The following NRP1 variants were observed in gnomAD, a reference collection of about 807,000 sequenced individuals.
NRP1 encodes the protein neuropilin-1.
In NRP1, 35 loss-of-function variants were observed where a neutral mutation model predicts 106.7. The ratio of observed to expected loss-of-function variants is 0.33; its 90% CI spans 0.25 to 0.43. The LOEUF (loss-of-function observed/expected upper bound fraction) is 0.43. Among genes scored for constraint, NRP1 ranks in the 20% least tolerant of loss-of-function variants. The pLI is 1.00. For synonymous variants in NRP1, 437 were observed against 417.9 expected (o/e 1.05, Z -0.56); for missense variants, 1,024 against 1,170.4 (o/e 0.87, Z 1.83).
chr10:33,221,062 A>G (rs891757206), intron 8 of NRP1, among the ~76,000 whole-genome samples: 1 of 151,934 alleles, frequency 6.6e-6, no homozygotes, highest in African/African-American at 2.4e-5. Flanking sequence ...GGTTACAATT[A>G]GTTGTCTACA....
chr10:33,241,413 G>C (rs1841006107), intron 6 of NRP1, among the ~76,000 whole-genome samples: 1 of 152,146 alleles, frequency 6.6e-6, no homozygotes, highest in South Asian at 2.1e-4. Context: ...AAATGCATCT[G>C]TACAACAACT....
At chr10:33,314,657 T>TA (rs1264027478) in intron 2 of NRP1, among the ~76,000 whole-genome samples, 2 of 151,990 alleles carry the variant, frequency 1.3e-5, no homozygotes, top group African/African-American at 4.8e-5. Context: ...AAGAAACACT[T>TA]AGGAAACACT....
chr10:33,279,462 A>C (rs1407086232), intron 2 of NRP1, among the ~76,000 whole-genome samples: 1 of 152,320 alleles, frequency 6.6e-6, no homozygotes, highest in African/African-American at 2.4e-5. Flanking sequence ...AGAGCCAGCA[A>C]TTGATAATCT....
At chr10:33,226,986 C>T (rs1839724595) in intron 6 of NRP1, among the ~76,000 whole-genome samples, 1 of 152,136 alleles carries the variant, frequency 6.6e-6, no homozygotes, top group South Asian at 2.1e-4. Flanking sequence ...TGTCACAAGC[C>T]ACTGCTCACT....
At chr10:33,186,048 A>T (rs1015222837) in intron 14 of NRP1, among the ~76,000 whole-genome samples, 169 bp downstream of exon 14, 4 of 152,150 alleles carry the variant, frequency 2.6e-5, no homozygotes, top group Non-Finnish European at 4.4e-5. Flanking sequence ...AATCTAGGAG[A>T]CTGTGAAATC....
intron 3 of NRP1, among the ~76,000 whole-genome samples, chr10:33,266,624 T>C (rs147982097): frequency 6.6e-6 from 1 of 152,300 alleles, no homozygotes; most frequent in Non-Finnish European, 1.5e-5. Context: ...AGAAAGTCCA[T>C]GGTGAATACA....
chr10:33,247,329 A>T (rs2133118593), intron 6 of NRP1, among the ~76,000 whole-genome samples: 1 of 151,076 alleles, frequency 6.6e-6, no homozygotes, highest in Non-Finnish European at 1.5e-5. Context: ...CAGGCCCTTC[A>T]CAGCTCCTGA....
chr10:33,319,908 G>A (rs1470964594), intron 2 of NRP1, among the ~76,000 whole-genome samples: 1 of 151,922 alleles, frequency 6.6e-6, no homozygotes, highest in Non-Finnish European at 1.5e-5. Flanking sequence ...ATCTTTAAGA[G>A]CTGTAACTCT....
At chr10:33,250,080 G>A (rs1389897555) in intron 6 of NRP1, among the ~76,000 whole-genome samples, 1 of 152,100 alleles carries the variant, frequency 6.6e-6, no homozygotes, top group Non-Finnish European at 1.5e-5. Flanking sequence ...TGCAAAATGT[G>A]AAAAAGCTGA....
At chr10:33,189,042 C>T (rs1453870363) in intron 13 of NRP1, among the ~76,000 whole-genome samples, 1 of 151,434 alleles carries the variant, frequency 6.6e-6, no homozygotes, top group Non-Finnish European at 1.5e-5. Context: ...CTGGCAGCCC[C>T]TCCAATGGAC....
Position 33,192,376 on chromosome 10 carries a change from G to C in NRP1, c.1967C>G (p.Ser656Cys). 1 of 1,613,944 alleles carries C rather than the reference G, an allele frequency of 6.2e-7. No individual in the cohort carries two copies. The change falls in exon 13 of 17, where the codon TCT (serine) becomes TGT (cysteine). Residue 656 changes from serine to cysteine, a missense_variant. By Grantham distance (112) the Ser-to-Cys change is moderately radical (BLOSUM62 -1). Coordinates refer to ENST00000374867, the MANE Select transcript of NRP1 (RefSeq NM_003873.7). Reference sequence around the variant, plus strand: ...TTCCCAGTGGCAGAAGGTCTTGTGAGAGCCCCAGCCAAATTCACAGTTAAA... The same window carrying C: ...TTCCCAGTGGCAGAAGGTCTTGTGACAGCCCCAGCCAAATTCACAGTTAAA... Reference protein sequence around the residue: ...YGFNCEFGWGSHKTFCHWEHD... With the variant: ...YGFNCEFGWGCHKTFCHWEHD...
At chr10:33,242,282 G>GTGGTAAA (rs1386164150) in intron 6 of NRP1, among the ~76,000 whole-genome samples, 15 of 152,136 alleles carry the variant, frequency 9.9e-5, no homozygotes, top group Admixed American at 8.5e-4. Context: ...TTTTCTTTAC[G>GTGGTAAA]TGGTAAATGA....
intron 2 of NRP1, among the ~76,000 whole-genome samples, chr10:33,321,682 G>C (rs1175399824): frequency 6.6e-6 from 1 of 152,152 alleles, no homozygotes; most frequent in African/African-American, 2.4e-5. Flanking sequence ...TTGCATAATA[G>C]CTGCCCTGCT....
intron 6 of NRP1, among the ~76,000 whole-genome samples, chr10:33,251,693 G>A (rs1303389550): frequency 1.3e-5 from 2 of 152,196 alleles, no homozygotes; most frequent in African/African-American, 4.8e-5. Flanking sequence ...AATGCTTTGT[G>A]AGAGGCCATG....
intron 6 of NRP1, among the ~76,000 whole-genome samples, chr10:33,233,960 C>T (rs1840361923): frequency 1.3e-5 from 2 of 152,134 alleles, no homozygotes; most frequent in East Asian, 3.8e-4. Context: ...ACTCACAGTA[C>T]CTGACCATTG....
chr10:33,318,272 T>C (rs1276470668), intron 2 of NRP1, among the ~76,000 whole-genome samples: 1 of 152,202 alleles, frequency 6.6e-6, no homozygotes, highest in Non-Finnish European at 1.5e-5. Flanking sequence ...ATGTTAATGG[T>C]GCCATAATGA....
intron 2 of NRP1, among the ~76,000 whole-genome samples, chr10:33,295,401 T>C (rs577609838): frequency 5.3e-4 from 80 of 152,328 alleles, no homozygotes; most frequent in African/African-American, 1.9e-3. Flanking sequence ...AGTGAAGAAC[T>C]TTCCATTAGA....
chr10:33,223,564 G>T (rs771981472), intron 7 of NRP1, among the ~76,000 whole-genome samples: 1 of 152,092 alleles, frequency 6.6e-6, no homozygotes, highest in Non-Finnish European at 1.5e-5. Context: ...GGAATTTAAG[G>T]CTGCAGTGAG....
chr10:33,272,923 G>C (rs925849352), intron 2 of NRP1, among the ~76,000 whole-genome samples: 2 of 152,068 alleles, frequency 1.3e-5, no homozygotes, highest in African/African-American at 4.8e-5. Context: ...AGGCATTTCT[G>C]TTGAGGATAC....
Sources: allele counts gnomAD v4.1 joint callset (sites outside exome capture counted in the v4.1 genomes callset), GRCh38; gene constraint gnomAD v4.1.1; transcripts MANE v1.5; gene names NCBI Gene and HGNC (gene_info 2026-07-23, HGNC 2026-07-21).